OTUD7A: variants seen among roughly 807,000 people sequenced by gnomAD.
OTUD7A encodes OTU domain-containing protein 7A.
OTUD7A carries 12 observed loss-of-function variants against 65.7 expected under a neutral mutation model. That is an observed-to-expected ratio of 0.18 (90% CI 0.12 to 0.30). The LOEUF is 0.30. OTUD7A is among the 10% of genes least tolerant of loss of function. OTUD7A has a pLI of 1.00. For missense variants in OTUD7A, 1,148 were observed against 1,304.8 expected (o/e 0.88, Z 1.85); for synonymous variants, 641 against 586.3 (o/e 1.09, Z -1.35).
In OTUD7A at chr15:31,585,548, C is replaced by T. The variant is rs145618942; in HGVS notation, c.152-15351G>A. Among the ~76,000 whole-genome samples, 22 of 152,276 alleles carry T rather than the reference C, an allele frequency of 1.4e-4. 1 individual carries two copies. Among genetic ancestry groups the T allele is most frequent in the Admixed American group, 6.5e-4 (10 of 15,294 alleles). ...TGTGACAGCACAGTGCGTCCCCACC[C>T]GGCATCCCCAGGGTTGAGAGCTTGA... On this transcript the variant is annotated intron_variant, in intron 3 of 12. Coordinates refer to ENST00000307050, the MANE Select transcript of OTUD7A (RefSeq NM_001382637.1).
chr15:31,666,222 GAAT>G (rs138617471), intron 1 of OTUD7A, among the ~76,000 whole-genome samples: 3,392 of 151,540 alleles, frequency 0.022, 128 homozygotes, highest in African/African-American at 0.079. Context: ...GAATAGCGTC[GAAT>G]TCTGCTGTGA....
chr15:31,771,491 A>G (rs1215546916), intron 1 of OTUD7A, among the ~76,000 whole-genome samples: 2 of 152,168 alleles, frequency 1.3e-5, no homozygotes, highest in African/African-American at 4.8e-5. Context: ...TCTTCCTTGC[A>G]TCACGTATGC....
intron 1 of OTUD7A, among the ~76,000 whole-genome samples, chr15:31,786,452 G>T (rs1895676892): frequency 6.6e-6 from 1 of 152,208 alleles, no homozygotes; most frequent in South Asian, 2.1e-4. Flanking sequence ...ACCTCCTTTT[G>T]TGTGTGTGGC....
chr15:31,809,362 G>GACC (rs1896362342), intron 1 of OTUD7A, among the ~76,000 whole-genome samples: 2 of 152,170 alleles, frequency 1.3e-5, no homozygotes, highest in African/African-American at 4.8e-5. Flanking sequence ...TCAGAATCTG[G>GACC]CTTGAGCGGT....
intron 3 of OTUD7A, among the ~76,000 whole-genome samples, chr15:31,610,999 G>A (rs1399814719): frequency 1.3e-5 from 2 of 151,946 alleles, no homozygotes; most frequent in Non-Finnish European, 2.9e-5. Context: ...ACTCCAAAAG[G>A]AACCTTCAAA....
chr15:31,828,492 T>C (rs536829117), intron 1 of OTUD7A, among the ~76,000 whole-genome samples: 73 of 152,338 alleles, frequency 4.8e-4, no homozygotes, highest in Middle Eastern at 6.8e-3. Flanking sequence ...CATAGTATAT[T>C]GTACAGTAGG....
intron 1 of OTUD7A, among the ~76,000 whole-genome samples, chr15:31,701,049 T>C (rs1893202462): frequency 6.6e-6 from 1 of 152,230 alleles, no homozygotes; most frequent in South Asian, 2.1e-4. Context: ...AAGGTCATTC[T>C]ACCAAATAAC....
At chr15:31,687,906 G>C (rs1892875025) in intron 1 of OTUD7A, among the ~76,000 whole-genome samples, 1 of 152,164 alleles carries the variant, frequency 6.6e-6, no homozygotes, top group Non-Finnish European at 1.5e-5. Flanking sequence ...ACTAGTAAAA[G>C]ACAAAGAATG....
intron 5 of OTUD7A, among the ~76,000 whole-genome samples, chr15:31,538,530 C>T (rs1385897567): frequency 2.0e-5 from 3 of 152,116 alleles, no homozygotes; most frequent in Non-Finnish European, 4.4e-5. Context: ...GCCCACGATC[C>T]GCTGACCCTT....
intron 1 of OTUD7A, among the ~76,000 whole-genome samples, chr15:31,808,224 G>A (rs1162946242): frequency 6.6e-6 from 1 of 151,694 alleles, no homozygotes; most frequent in Non-Finnish European, 1.5e-5. Flanking sequence ...GTGCCAGGAT[G>A]AACTGTCAAA....
intron 1 of OTUD7A, among the ~76,000 whole-genome samples, chr15:31,805,838 T>A (rs1896256421): frequency 1.3e-5 from 2 of 152,080 alleles, no homozygotes; most frequent in South Asian, 4.1e-4. Flanking sequence ...CTACATTTAA[T>A]CAATTAACAC....
In OTUD7A at chr15:31,792,757, C is replaced by T. The variant is rs201064611; in HGVS notation, c.-100+77750G>A. On this transcript the variant is annotated intron_variant, in intron 1 of 12. Coordinates refer to ENST00000307050, the MANE Select transcript of OTUD7A (RefSeq NM_001382637.1). ...TCCCCCACTGGCTTCTGAGCACAGTCCTCCATTGTGTGTTCACCTCTATGC... is the reference window on the plus strand; with the variant it reads ...TCCCCCACTGGCTTCTGAGCACAGTTCTCCATTGTGTGTTCACCTCTATGC... Among the ~76,000 whole-genome samples the T allele has an allele frequency of 3.9e-5, 6 of 152,324 alleles. No individual in the cohort carries two copies. In the East Asian group the frequency reaches 1.2e-3, roughly 29 times the overall value.
intron 3 of OTUD7A, among the ~76,000 whole-genome samples, chr15:31,595,918 C>T (rs1889891115): frequency 2.0e-5 from 3 of 152,088 alleles, no homozygotes; most frequent in Admixed American, 2.0e-4. Flanking sequence ...CATCCCCAAG[C>T]CAGCAATGAC....
At chr15:31,690,330 T>A (rs991265909) in intron 1 of OTUD7A, among the ~76,000 whole-genome samples, 2 of 152,120 alleles carry the variant, frequency 1.3e-5, no homozygotes, top group African/African-American at 2.4e-5. Context: ...ATATCTCTCA[T>A]TGGTCCTTTA....
chr15:31,664,965 TGTAA>T (rs1288633103), intron 1 of OTUD7A, among the ~76,000 whole-genome samples: 1 of 152,196 alleles, frequency 6.6e-6, no homozygotes, highest in Non-Finnish European at 1.5e-5. Flanking sequence ...ATCAGTTGGC[TGTAA>T]GTATTTGGGT....
intron 10 of OTUD7A, among the ~76,000 whole-genome samples, chr15:31,500,782 C>T (rs2041455681): frequency 6.6e-6 from 1 of 152,236 alleles, no homozygotes; most frequent in Non-Finnish European, 1.5e-5. Context: ...GGGCACTTCC[C>T]ATTCTCTGGG....
At position 31,842,155 on chromosome 15, in the gene OTUD7A, T is replaced by C. The variant is rs1214055058; in HGVS notation, c.-100+28352A>G. ...CAAAATGGAAAACATGCATCCTGCA[T>C]GGTCCCACATACATAAAGCACAAAA... On this transcript the variant is annotated intron_variant, in intron 1 of 12. Transcript: ENST00000307050. Among the ~76,000 whole-genome samples the C allele has an allele frequency of 2.0e-5, 3 of 152,362 alleles. No individual in the cohort carries two copies. In the East Asian group the frequency reaches 5.8e-4, roughly 29 times the overall value.
At chr15:31,741,586 C>A (rs1894346374) in intron 1 of OTUD7A, among the ~76,000 whole-genome samples, 1 of 151,500 alleles carries the variant, frequency 6.6e-6, no homozygotes, top group South Asian at 2.1e-4. Context: ...ATACAATAAC[C>A]CAACAATGAA....
rs1470318577 is a variant in OTUD7A, at chr15:31,759,239, A to G, written c.-99-102162T>C. Among the ~76,000 whole-genome samples, 4 of 152,348 alleles carry G rather than the reference A, an allele frequency of 2.6e-5. No individual in the cohort carries two copies. The East Asian group carries it at 5.8e-4, about 22-fold the overall frequency. ...TAGAATCACTTGTGCATCTTTTAAA[A>G]GACACTAATGCTCAGAGATCCTGAA... On this transcript the variant is annotated intron_variant, in intron 1 of 12. Transcript: ENST00000307050.
Sources: allele counts gnomAD v4.1 joint callset (sites outside exome capture counted in the v4.1 genomes callset), GRCh38; gene constraint gnomAD v4.1.1; transcripts MANE v1.5; gene names NCBI Gene and HGNC (gene_info 2026-07-23, HGNC 2026-07-21).